The following COL23A1 variants were observed in gnomAD, a reference collection of about 807,000 sequenced individuals.
The protein encoded by COL23A1 is collagen type XXIII alpha 1 chain.
Under a neutral mutation model 99.3 loss-of-function variants are expected in COL23A1, and 97 were observed. The ratio of observed to expected loss-of-function variants is 0.98; its 90% CI spans 0.83 to 1.16. The LOEUF is 1.16. Ranked by LOEUF, COL23A1 falls within the 50% of genes most tolerant of loss-of-function variation. COL23A1 has a pLI of 0.00. For synonymous variants in COL23A1, 320 were observed against 308.2 expected (o/e 1.04, Z -0.40); for missense variants, 762 against 757.4 (o/e 1.01, Z -0.07).
intron 2 of COL23A1, among the ~76,000 whole-genome samples, chr5:178,420,064 A>T (rs1048405807): frequency 3.3e-5 from 5 of 152,150 alleles, no homozygotes; most frequent in African/African-American, 1.2e-4. Context: ...AAACTCCATC[A>T]AATTTAACTT....
intron 2 of COL23A1, among the ~76,000 whole-genome samples, chr5:178,505,703 G>C (rs987520190): frequency 2.0e-5 from 3 of 152,124 alleles, no homozygotes; most frequent in Non-Finnish European, 4.4e-5. Context: ...CTTTTTGAAG[G>C]GGCACAATTC....
chr5:178,572,921 C>G (rs1303136014), intron 1 of COL23A1, among the ~76,000 whole-genome samples: 1 of 152,210 alleles, frequency 6.6e-6, no homozygotes, highest in Non-Finnish European at 1.5e-5. Context: ...AAGTATCTCT[C>G]AATAACTACA....
chr5:178,270,332 C>A lies in COL23A1; in HGVS notation c.468+5G>T, dbSNP rs1208445536. On this transcript the variant is annotated splice_donor_5th_base_variant and intron_variant, in intron 6 of 28. Transcript: ENST00000390654. ...ACCCCCTGGAATTGCCCTGTCATCA[C>A]TTACGGGCTTGCCATCCAAACCCAG... 6.2e-7 allele frequency: 1 copy of A among 1,613,848 alleles called. No homozygotes were observed. The highest frequency in any genetic ancestry group is 1.7e-5 in the Admixed American group (1 of 59,992).
chr5:178,382,095 C>T (rs954946801), intron 2 of COL23A1, among the ~76,000 whole-genome samples: 2 of 147,446 alleles, frequency 1.4e-5, no homozygotes, highest in African/African-American at 5.1e-5. Context: ...GCACTGGAAT[C>T]TTCGGGGGGA....
At chr5:178,582,458 A>C (rs553558163) in intron 1 of COL23A1, among the ~76,000 whole-genome samples, 1 of 152,288 alleles carries the variant, frequency 6.6e-6, no homozygotes, top group South Asian at 2.1e-4. Context: ...TTTCGAGAGA[A>C]GGGAGCAACG....
chr5:178,324,836 C>A (rs1023615718), intron 2 of COL23A1, among the ~76,000 whole-genome samples: 1 of 152,194 alleles, frequency 6.6e-6, no homozygotes, highest in African/African-American at 2.4e-5. Context: ...TGAGCAGCAT[C>A]GCCACCTACC....
chr5:178,574,582 T>C (rs1354485839), intron 1 of COL23A1, among the ~76,000 whole-genome samples: 2 of 152,218 alleles, frequency 1.3e-5, no homozygotes, highest in East Asian at 1.9e-4. Flanking sequence ...GGAAGCCGCT[T>C]AATGCTCCTT....
chr5:178,347,189 G>A lies in COL23A1; in HGVS notation c.362-40270C>T, dbSNP rs72820961. Among the ~76,000 whole-genome samples the A allele has an allele frequency of 6.0e-3, 910 of 152,300 alleles. 6 individuals carry two copies. Among genetic ancestry groups the A allele is most frequent in the Middle Eastern group, 0.01 (3 of 294 alleles). On this transcript the variant is annotated intron_variant, in intron 2 of 28. Coordinates refer to ENST00000390654, the MANE Select transcript of COL23A1 (RefSeq NM_173465.4). ...GAAACGTCCGCTGAGCCACCCACACGGAAACTGAAAGGTGGCCGTGGAACA... is the reference window on the plus strand; with the variant it reads ...GAAACGTCCGCTGAGCCACCCACACAGAAACTGAAAGGTGGCCGTGGAACA...
chr5:178,461,990 A>T (rs1498617), intron 2 of COL23A1, among the ~76,000 whole-genome samples: 67,053 of 151,922 alleles, frequency 0.44, 15,874 homozygotes, highest in Admixed American at 0.58. Context: ...AGGCAATCAG[A>T]CGGTGCACTG....
At chr5:178,416,365 G>A (rs997180858) in intron 2 of COL23A1, among the ~76,000 whole-genome samples, 25 of 152,308 alleles carry the variant, frequency 1.6e-4, no homozygotes, top group African/African-American at 6.0e-4. Context: ...GGCCTCCATC[G>A]TGGCTGACCG....
At chr5:178,522,757 C>T (rs1760020395) in intron 2 of COL23A1, among the ~76,000 whole-genome samples, 1 of 152,146 alleles carries the variant, frequency 6.6e-6, no homozygotes, top group Non-Finnish European at 1.5e-5. Context: ...GCTAAGCACC[C>T]ATACAAGAGC....
intron 5 of COL23A1, among the ~76,000 whole-genome samples, chr5:178,278,654 C>T (rs547629653): frequency 1.3e-5 from 2 of 152,170 alleles, no homozygotes; most frequent in East Asian, 3.9e-4. Context: ...CCCTCCTGGG[C>T]CAGCCTCCGC....
chr5:178,479,156 G>A (rs181847159), intron 2 of COL23A1, among the ~76,000 whole-genome samples: 19 of 152,240 alleles, frequency 1.2e-4, no homozygotes, highest in African/African-American at 4.6e-4. Context: ...AACACTCACA[G>A]ATACTTAACA....
At position 178,387,103 on chromosome 5, in the gene COL23A1, G is replaced by A. The variant is rs1360336787; in HGVS notation, c.362-80184C>T. ...ACCCCCACCTTATTTCTCTCCCACG[G>A]CAGCTTCTCATCACCCCGTCTGGAA... is the stretch of plus-strand genomic sequence containing the variant. On this transcript the variant is annotated intron_variant, in intron 2 of 28. Transcript: ENST00000390654. The surrounding 1 kb of genome is among the most constrained non-coding windows in gnomAD (Gnocchi z 4.7). Among the ~76,000 whole-genome samples the A allele has an allele frequency of 6.6e-6, 1 of 151,810 alleles. No individual in the cohort carries two copies. Among genetic ancestry groups the A allele is most frequent in the African/African-American group, 2.4e-5 (1 of 41,306 alleles).
chr5:178,452,341 C>T (rs568969922), intron 2 of COL23A1, among the ~76,000 whole-genome samples: 3 of 152,234 alleles, frequency 2.0e-5, no homozygotes, highest in East Asian at 1.9e-4. Context: ...CTACTTTACA[C>T]GGACATATTC....
intron 2 of COL23A1, among the ~76,000 whole-genome samples, chr5:178,403,888 G>T (rs1764606835): frequency 1.3e-5 from 2 of 152,272 alleles, no homozygotes; most frequent in African/African-American, 4.8e-5. Context: ...GCAGACCTGT[G>T]AGGCCCCCAT....
At chr5:178,446,352 A>G (rs947919774) in intron 2 of COL23A1, among the ~76,000 whole-genome samples, 1 of 152,034 alleles carries the variant, frequency 6.6e-6, no homozygotes, top group East Asian at 1.9e-4. Context: ...TAAACAGAAA[A>G]AGGAAAGAAA....
chr5:178,496,666 A>G (rs1330545009), intron 2 of COL23A1, among the ~76,000 whole-genome samples: 2 of 152,242 alleles, frequency 1.3e-5, no homozygotes, highest in Non-Finnish European at 2.9e-5. Flanking sequence ...AATCATGACT[A>G]TGACAAAGAG....
intron 2 of COL23A1, among the ~76,000 whole-genome samples, chr5:178,503,618 G>A (rs1054145904): frequency 2.0e-5 from 3 of 152,142 alleles, no homozygotes; most frequent in Non-Finnish European, 4.4e-5. Flanking sequence ...TTATGTGCAC[G>A]TATGTAAACG....
Sources: allele counts gnomAD v4.1 joint callset (sites outside exome capture counted in the v4.1 genomes callset), GRCh38; gene constraint gnomAD v4.1.1; non-coding constraint Gnocchi (gnomAD v3.1); transcripts MANE v1.5; gene names NCBI Gene and HGNC (gene_info 2026-07-23, HGNC 2026-07-21).